WDR49: variants seen among roughly 807,000 people sequenced by gnomAD.
WDR49 encodes the protein WD repeat domain 49, also known as cilia- and flagella-associated protein 337.
A neutral mutation model predicts 119.5 loss-of-function variants in WDR49; 107 were observed. That is an observed-to-expected ratio of 0.90 (90% confidence interval 0.77 to 1.05). The LOEUF is 1.05. WDR49 is among the 50% of genes least tolerant of loss of function. The probability of loss-of-function intolerance (pLI) is 0.00; values close to 1 mark genes in which losing one functional copy is unlikely to be tolerated. For synonymous variants in WDR49, 425 were observed against 418.8 expected (o/e 1.01, Z -0.18); for missense variants, 1,240 against 1,220.5 (o/e 1.02, Z -0.24).
intron 5 of WDR49, among the ~76,000 whole-genome samples, chr3:167,615,231 C>A (rs1417094525): frequency 6.6e-6 from 1 of 152,130 alleles, no homozygotes; most frequent in Non-Finnish European, 1.5e-5. Flanking sequence ...ATCTCCTGGG[C>A]TCAGGTGATC....
intron 12 of WDR49, among the ~76,000 whole-genome samples, chr3:167,532,636 G>A (rs1445752508): frequency 1.3e-5 from 2 of 152,118 alleles, no homozygotes; most frequent in Non-Finnish European, 2.9e-5. Context: ...CCTGCTGTCG[G>A]TAGTTCAGAA....
At chr3:167,526,354 C>G (rs1020665190) in intron 15 of WDR49, among the ~76,000 whole-genome samples, 1 of 152,096 alleles carries the variant, frequency 6.6e-6, no homozygotes, top group African/African-American at 2.4e-5. Flanking sequence ...TTTCTTGGTT[C>G]GACCCCGGAT....
At chr3:167,555,228 T>C (rs1467247294) in intron 9 of WDR49, among the ~76,000 whole-genome samples, 5 of 152,080 alleles carry the variant, frequency 3.3e-5, no homozygotes, top group Non-Finnish European at 7.4e-5. Flanking sequence ...CCCTGTGTAA[T>C]GGAGCCTCCA....
In WDR49 at chr3:167,519,938, T is replaced by G. The variant is rs79366053; in HGVS notation, c.2774+2377A>C. On this transcript the variant is annotated intron_variant, in intron 16 of 18. Coordinates refer to ENST00000682715, the MANE Select transcript of WDR49 (RefSeq NM_001366157.1). The stretch of plus-strand genomic sequence containing the variant: ...GTTTGAATCTAGGAAAAGATTGGTT[T>G]AAAAAAGTGTTTAGGATGGGAGTGA... Among the ~76,000 whole-genome samples, 6 of 152,060 alleles carry G rather than the reference T, an allele frequency of 3.9e-5. No individual in the cohort carries two copies. In the East Asian group the frequency reaches 1.2e-3, roughly 29 times the overall value.
chr3:167,649,444 T>G (rs905126208), intron 2 of WDR49, among the ~76,000 whole-genome samples: 1 of 152,220 alleles, frequency 6.6e-6, no homozygotes, highest in Admixed American at 6.5e-5. Flanking sequence ...TGCTGTAGAA[T>G]GCTTTCTAAA....
rs960404089 is a variant in WDR49, at chr3:167,604,473, T to C, written c.959-5A>G. 69 of 1,581,912 alleles carry C rather than the reference T, an allele frequency of 4.4e-5. No homozygotes were observed. The Admixed American group carries it at 9.7e-4, about 22-fold the overall frequency. On this transcript the variant is annotated splice_region_variant and splice_polypyrimidine_tract_variant and intron_variant, in intron 5 of 18. Coordinates refer to ENST00000682715, the MANE Select transcript of WDR49 (RefSeq NM_001366157.1). ...CTAAAGATGCATTGTAAGTAACTGA[T>C]AAAAAATTAAAAAGAGAAAAACAAT... is the stretch of plus-strand genomic sequence containing the variant.
intron 10 of WDR49, among the ~76,000 whole-genome samples, chr3:167,545,065 A>G (rs1289941593): frequency 6.6e-6 from 1 of 152,236 alleles, no homozygotes; most frequent in Non-Finnish European, 1.5e-5. Context: ...TTAAAAGAAC[A>G]TATACAAATG....
At chr3:167,576,542 A>C (rs1175651249) in intron 7 of WDR49, among the ~76,000 whole-genome samples, 1 of 152,162 alleles carries the variant, frequency 6.6e-6, no homozygotes, top group Non-Finnish European at 1.5e-5. Flanking sequence ...TGAGATGGTG[A>C]GATTGTCCTG....
intron 7 of WDR49, among the ~76,000 whole-genome samples, chr3:167,584,457 T>G (rs918375544): frequency 6.6e-6 from 1 of 152,204 alleles, no homozygotes; most frequent in African/African-American, 2.4e-5. Flanking sequence ...TAAAATTTAC[T>G]TGGAAGGATA....
At position 167,584,906 on chromosome 3, in the gene WDR49, T is replaced by G. The variant is rs559516568; in HGVS notation, c.1276-8755A>C. On this transcript the variant is annotated intron_variant, in intron 7 of 18. Transcript: ENST00000682715. ...CCATAAAGAAAATCATTCCTTAGAC[T>G]CATTTTTTTAAGTCTTGACTATCTT... is the stretch of plus-strand genomic sequence containing the variant. Among the ~76,000 whole-genome samples the G allele has an allele frequency of 7.6e-4, 116 of 152,262 alleles. 1 individual carries two copies. Among genetic ancestry groups the G allele is most frequent in the African/African-American group, 2.7e-3 (113 of 41,580 alleles).
chr3:167,504,708 G>A (rs1751701549), intron 17 of WDR49, among the ~76,000 whole-genome samples: 1 of 152,102 alleles, frequency 6.6e-6, no homozygotes, highest in Non-Finnish European at 1.5e-5. Context: ...TGCCAGGGAT[G>A]GAATGATATA....
chr3:167,498,115 C>T (rs1300562301), intron 18 of WDR49, among the ~76,000 whole-genome samples: 2 of 152,120 alleles, frequency 1.3e-5, no homozygotes, highest in Non-Finnish European at 1.5e-5. Flanking sequence ...GCTGGGATTA[C>T]GGGCATGAGC....
intron 18 of WDR49, among the ~76,000 whole-genome samples, chr3:167,492,006 T>C (rs1042384904): frequency 2.0e-5 from 3 of 152,108 alleles, no homozygotes; most frequent in African/African-American, 7.2e-5. Context: ...ACTAGCAAAA[T>C]GCCTCTCATT....
chr3:167,583,275 T>C (rs1251736054), intron 7 of WDR49, among the ~76,000 whole-genome samples: 1 of 152,064 alleles, frequency 6.6e-6, no homozygotes, highest in African/African-American at 2.4e-5. Flanking sequence ...TTTTACTCAA[T>C]ATTTATACTA....
At chr3:167,516,907 G>A (rs571158066) in intron 16 of WDR49, among the ~76,000 whole-genome samples, 40 of 152,136 alleles carry the variant, frequency 2.6e-4, no homozygotes, top group African/African-American at 8.9e-4. Flanking sequence ...GTGGGCAAAG[G>A]ATATGAACAG....
At chr3:167,539,893 C>A (rs529714910) in intron 10 of WDR49, among the ~76,000 whole-genome samples, 3 of 152,210 alleles carry the variant, frequency 2.0e-5, no homozygotes, top group East Asian at 3.9e-4. Context: ...TTTCCTTCTA[C>A]AACAGCAGTG....
chr3:167,647,400 C>T (rs916674492), intron 2 of WDR49, among the ~76,000 whole-genome samples: 5 of 152,160 alleles, frequency 3.3e-5, no homozygotes, highest in Non-Finnish European at 7.4e-5. Flanking sequence ...GAACTTGTCA[C>T]AAAAATCAGC....
At chr3:167,590,157 G>A (rs781036426) in intron 7 of WDR49, among the ~76,000 whole-genome samples, 1 of 151,984 alleles carries the variant, frequency 6.6e-6, no homozygotes, top group Admixed American at 6.6e-5. Flanking sequence ...CAATTGGAAC[G>A]ATTATTTAGT....
intron 7 of WDR49, among the ~76,000 whole-genome samples, chr3:167,596,523 T>C (rs1273063302): frequency 6.6e-6 from 1 of 151,010 alleles, no homozygotes; most frequent in Non-Finnish European, 1.5e-5. Flanking sequence ...ATATACACCA[T>C]GGAATACTAT....
Sources: gnomAD v4.1 joint callset for allele counts (sites outside exome capture counted in the v4.1 genomes callset) on GRCh38, gnomAD v4.1.1 for gene constraint, MANE v1.5 for transcripts, NCBI Gene and HGNC (gene_info 2026-07-23, HGNC 2026-07-21) for gene names.